FRZB: variants seen among roughly 807,000 people sequenced by gnomAD.
FRZB encodes the protein secreted frizzled-related protein 3.
FRZB carries 34 observed loss-of-function variants against 32.5 expected under a neutral mutation model. The ratio of observed to expected loss-of-function variants is 1.05; its 90% confidence interval spans 0.80 to 1.39. The LOEUF is 1.39. Among genes scored for constraint, FRZB ranks in the 40% most tolerant of loss-of-function variants. The pLI is 0.00. For missense variants in FRZB, 423 were observed against 424.8 expected, an observed-to-expected ratio of 1.00 and a Z score of 0.04; for synonymous variants, 170 against 159.2, an observed-to-expected ratio of 1.07 and a Z score of -0.51.
At chr2:182,843,357 T>C (rs1395187465) in intron 2 of FRZB, among the ~76,000 whole-genome samples, 1 of 152,150 alleles carries the variant, frequency 6.6e-6, no homozygotes, top group Non-Finnish European at 1.5e-5. Flanking sequence ...ATTATACCTT[T>C]TATAGAAGAG....
chr2:182,855,142 AT>A (rs1177960665), intron 2 of FRZB, among the ~76,000 whole-genome samples: 1 of 152,218 alleles, frequency 6.6e-6, no homozygotes, highest in Admixed American at 6.5e-5. Context: ...ACCAGTCAGA[AT>A]TTGCAGCCTA....
chr2:182,861,605 T>C (rs1051112913), intron 1 of FRZB, among the ~76,000 whole-genome samples: 2 of 152,256 alleles, frequency 1.3e-5, no homozygotes, highest in African/African-American at 4.8e-5. Context: ...ACAAAATTAA[T>C]GGCAAATCTA....
chr2:182,859,813 C>A (rs921192792), intron 1 of FRZB, among the ~76,000 whole-genome samples: 8 of 152,154 alleles, frequency 5.3e-5, no homozygotes, highest in African/African-American at 1.9e-4. Flanking sequence ...GAAAAGACAG[C>A]AGTCAGCAAA....
chr2:182,853,661 T>C (rs559524830), intron 2 of FRZB, among the ~76,000 whole-genome samples: 148 of 152,334 alleles, frequency 9.7e-4, no homozygotes, highest in African/African-American at 3.3e-3. Flanking sequence ...ATCACCATGA[T>C]AAGATTCAGT....
intron 1 of FRZB, among the ~76,000 whole-genome samples, chr2:182,862,917 G>A (rs566718821): frequency 3.3e-5 from 5 of 152,070 alleles, no homozygotes; most frequent in Admixed American, 2.6e-4. Flanking sequence ...CGACAGGCAC[G>A]CACCACCATC....
At chr2:182,836,157 T>C (rs1431596464) in intron 5 of FRZB, among the ~76,000 whole-genome samples, 2 of 152,058 alleles carry the variant, frequency 1.3e-5, no homozygotes, top group East Asian at 1.9e-4. Flanking sequence ...TCTTGAATCG[T>C]CTGCTATAAG....
chr2:182,839,075 A>G (rs1695559129), intron 3 of FRZB, among the ~76,000 whole-genome samples: 2 of 152,090 alleles, frequency 1.3e-5, no homozygotes, highest in Non-Finnish European at 2.9e-5. Context: ...ACACTGTTTT[A>G]TCAGGTCCAT....
In FRZB at chr2:182,847,849, G is replaced by A. The variant is rs570657318; in HGVS notation, c.527-5306C>T. ...ATTGTCTATTTGAATTTTCTATCTT[G>A]AATTTAAAGTGAAACCAGTCACCTC... is the stretch of plus-strand genomic sequence containing the variant. On this transcript the variant is annotated intron_variant, in intron 2 of 5. Transcript: ENST00000295113. Among the ~76,000 whole-genome samples the A allele has an allele frequency of 1.2e-4, 18 of 152,278 alleles. No individual in the cohort carries two copies. The East Asian group carries it at 1.7e-3, about 15-fold the overall frequency.
At chr2:182,849,476 C>T (rs1322009787) in intron 2 of FRZB, among the ~76,000 whole-genome samples, 1 of 151,964 alleles carries the variant, frequency 6.6e-6, no homozygotes, top group Non-Finnish European at 1.5e-5. Context: ...CCATTCATTA[C>T]CTATGTAAAA....
chr2:182,842,486 T>G lies in FRZB; in HGVS notation c.584A>C (p.Tyr195Ser). The G allele has an allele frequency of 6.2e-7, 1 of 1,612,052 alleles. No homozygotes were observed. The highest frequency in any genetic ancestry group is 8.5e-7 in the Non-Finnish European group (1 of 1,178,282). ...CATGAAATTTTCCTTACCATAGTTGTAATTGTTCCGGAAATAGGTCTTCTG... is the reference window on the plus strand; with the variant it reads ...CATGAAATTTTCCTTACCATAGTTGGAATTGTTCCGGAAATAGGTCTTCTG... ...ATQKTYFRNN[Y>S]NYVIRAKVKE... The change falls in exon 3 of 6, where the codon TAC (tyrosine) becomes TCC (serine). Residue 195 changes from tyrosine to serine, a missense_variant. Tyr to Ser is a moderately radical substitution (Grantham distance 144). Transcript: ENST00000295113.
intron 2 of FRZB, among the ~76,000 whole-genome samples, chr2:182,846,332 G>A (rs561014303): frequency 6.6e-6 from 1 of 152,232 alleles, no homozygotes; most frequent in South Asian, 2.1e-4. Context: ...TTATCCAGAG[G>A]TGTAAGACTA....
intron 2 of FRZB, among the ~76,000 whole-genome samples, chr2:182,851,680 CA>C (rs537416443): frequency 2.7e-4 from 39 of 143,280 alleles, no homozygotes; most frequent in East Asian, 1.0e-3. Flanking sequence ...AAACAAAAAA[CA>C]AAAAAAAAAC....
At chr2:182,837,605 T>A (rs1010436009) in intron 5 of FRZB, among the ~76,000 whole-genome samples, 12 of 151,914 alleles carry the variant, frequency 7.9e-5, no homozygotes, top group Non-Finnish European at 5.9e-5. Context: ...CAGGTGAACA[T>A]GAGTATGAAA....
In FRZB at chr2:182,838,489, G is replaced by A. The variant is rs1695551822; in HGVS notation, c.717C>T (p.Thr239=). The A allele has an allele frequency of 1.2e-6, 2 of 1,612,958 alleles. No homozygotes were observed. Among genetic ancestry groups the A allele is most frequent in the Non-Finnish European group, 1.7e-6 (2 of 1,179,254 alleles). ...GTGGAGGGCAGAGGCAGCCAGAGCT[G>A]GTATAGAGGTTGACAGTGTCCCGTG... The part of the protein sequence containing the change: ...NIPRDTVNLY[T]SSGCLCPPLN... Residue 239 remains threonine, a synonymous_variant, in exon 4 of 6, where the codon ACC becomes ACT. Coordinates refer to ENST00000295113, the MANE Select transcript of FRZB (RefSeq NM_001463.4).
rs748898229 is a variant in FRZB, at chr2:182,866,247, G to C, written c.306C>G (p.His102Gln). Reference protein sequence around the residue: ...YAPICTIDFQHEPIKPCKSVC... With the variant: ...YAPICTIDFQQEPIKPCKSVC... ...CAGACTTACAGGGCTTGATGGGCTC[G>C]TGCTGGAAGTCAATGGTGCAGATGG... The change falls in exon 1 of 6, where the codon CAC becomes CAG. Residue 102 changes from histidine (H) to glutamine (Q), a missense_variant. Coordinates refer to ENST00000295113, the MANE Select transcript of FRZB (RefSeq NM_001463.4). This position sits in a 1 kb window ranked among gnomAD's most constrained non-coding sequence, Gnocchi z 4.5. 6.2e-7 allele frequency: 1 copy of C among 1,614,198 alleles called. No individual in the cohort carries two copies. Among genetic ancestry groups the C allele is most frequent in the Non-Finnish European group, 8.5e-7 (1 of 1,180,034 alleles).
In FRZB at chr2:182,866,149, GC is replaced by G; in HGVS notation, c.403del (p.Ala135ProfsTer72). On this transcript the variant is annotated frameshift_variant, in exon 1 of 6. Transcript: ENST00000295113. LOFTEE classifies it high-confidence loss of function. The surrounding 1 kb of genome is among the most constrained non-coding windows in gnomAD (Gnocchi z 4.5). ...GTCGTACACTGGCAGCTCCTCGCAG[GC>G]CAGGTTCTCCGGCCACGAGTGGCGG... ...KYRHSWPENL[A>X]CEELPVYDRG... 1 of 1,614,130 alleles carries G rather than the reference GC, an allele frequency of 6.2e-7. No homozygotes were observed. Among genetic ancestry groups the G allele is most frequent in the South Asian group, 1.1e-5 (1 of 91,072 alleles).
At chr2:182,857,487 G>A (rs957508204) in intron 2 of FRZB, among the ~76,000 whole-genome samples, 3 of 151,794 alleles carry the variant, frequency 2.0e-5, no homozygotes, top group African/African-American at 7.3e-5. Flanking sequence ...GGGTGTGGTG[G>A]TGCACACCTG....
At chr2:182,860,604 C>G (rs1049182231) in intron 1 of FRZB, among the ~76,000 whole-genome samples, 3 of 152,138 alleles carry the variant, frequency 2.0e-5, no homozygotes, top group East Asian at 3.9e-4. Flanking sequence ...TATGGTGACT[C>G]ACACCTGTAA....
chr2:182,854,636 C>A (rs1245549316), intron 2 of FRZB, among the ~76,000 whole-genome samples: 2 of 152,324 alleles, frequency 1.3e-5, no homozygotes, highest in African/African-American at 2.4e-5. Flanking sequence ...ACGGCTGCAA[C>A]AAGGGAGACC....
Sources: gnomAD v4.1 joint callset for allele counts (sites outside exome capture counted in the v4.1 genomes callset) on GRCh38, gnomAD v4.1.1 for gene constraint, Gnocchi (gnomAD v3.1) non-coding constraint, MANE v1.5 for transcripts, NCBI Gene and HGNC (gene_info 2026-07-23, HGNC 2026-07-21) for gene names.